The following ENTHD1 variants were observed in gnomAD, a reference collection of about 807,000 sequenced individuals.
The protein encoded by ENTHD1 is ENTH domain containing 1, also known as ENTH domain-containing protein 1.
ENTHD1 carries 23 observed loss-of-function variants against 39.1 expected under a neutral mutation model. That is an observed-to-expected ratio of 0.59 (90% confidence interval 0.42 to 0.83). The LOEUF is 0.83. Among genes scored for constraint, ENTHD1 ranks in the 40% least tolerant of loss-of-function variants. The pLI, the probability that ENTHD1 is intolerant of heterozygous loss-of-function variation, is 0.00. For missense variants in ENTHD1, 624 were observed against 705.4 expected (o/e 0.88, Z 1.31); for synonymous variants, 230 against 258.2 (o/e 0.89, Z 1.05).
At chr22:39,829,427 G>A (rs1281088175) in intron 4 of ENTHD1, among the ~76,000 whole-genome samples, 1 of 151,428 alleles carries the variant, frequency 6.6e-6, no homozygotes, top group African/African-American at 2.4e-5. Flanking sequence ...AAAGCACATA[G>A]GATTATTCAA....
intron 6 of ENTHD1, chr22:39,750,178 G>A (rs2065137608): frequency 4.8e-6 from 1 of 208,446 alleles, no homozygotes; most frequent in African/African-American, 2.3e-5. Context: ...GGAAAATAAA[G>A]ACTATGGATC....
intron 5 of ENTHD1, among the ~76,000 whole-genome samples, chr22:39,773,818 T>C (rs2065346324): frequency 6.6e-6 from 1 of 152,138 alleles, no homozygotes; most frequent in African/African-American, 2.4e-5. Context: ...TAGGCATTGC[T>C]TTAGGTTTAG....
rs763967798 is a variant in ENTHD1 at position 39,743,704 on chromosome 22, G to A, written c.1799C>T (p.Ser600Phe). ...ISQSSQVPQS[S>F]EGSSDQI ...TTAGATCTGATCTGAGCTCCCCTCA[G>A]AAGACTGGGGGACCTGGGAAGACTG... The change falls in exon 7 of 7, where the codon TCT becomes TTT. Residue 600 changes from serine to phenylalanine, a missense_variant. Ser to Phe is a radical substitution (Grantham distance 155). Coordinates refer to ENST00000325157, the MANE Select transcript of ENTHD1 (RefSeq NM_152512.4). 6 of 1,612,580 alleles carry A rather than the reference G, an allele frequency of 3.7e-6. No homozygotes were observed. In the South Asian group the frequency reaches 6.6e-5, roughly 18 times the overall value.
At chr22:39,778,292 T>C (rs1183346471) in intron 5 of ENTHD1, among the ~76,000 whole-genome samples, 1 of 152,170 alleles carries the variant, frequency 6.6e-6, no homozygotes, top group Non-Finnish European at 1.5e-5. Flanking sequence ...GTATTTATGA[T>C]CTGCAAGCAT....
At chr22:39,827,900 A>G (rs2146661927) in intron 4 of ENTHD1, among the ~76,000 whole-genome samples, 1 of 152,334 alleles carries the variant, frequency 6.6e-6, no homozygotes, top group East Asian at 1.9e-4. Context: ...AGTGATTACC[A>G]ATAGGAAATG....
At chr22:39,754,467 C>T (rs779036231) in intron 6 of ENTHD1, among the ~76,000 whole-genome samples, 3 of 152,194 alleles carry the variant, frequency 2.0e-5, no homozygotes, top group Non-Finnish European at 2.9e-5. Flanking sequence ...GTCCCTATAC[C>T]ACTCCACATC....
intron 5 of ENTHD1, among the ~76,000 whole-genome samples, chr22:39,766,701 C>T (rs780782705): frequency 2.0e-5 from 3 of 152,186 alleles, no homozygotes; most frequent in Non-Finnish European, 4.4e-5. Context: ...ATGCTATCCT[C>T]ATCACTTTTG....
chr22:39,806,630 C>T (rs2065642810), intron 5 of ENTHD1, among the ~76,000 whole-genome samples: 1 of 152,160 alleles, frequency 6.6e-6, no homozygotes, highest in Admixed American at 6.5e-5. Context: ...ATGAACAAGA[C>T]ACAGCCCTTG....
intron 4 of ENTHD1, among the ~76,000 whole-genome samples, chr22:39,824,505 G>A (rs886528331): frequency 4.6e-5 from 7 of 151,920 alleles, no homozygotes; most frequent in African/African-American, 1.7e-4. Flanking sequence ...CACCGCACCC[G>A]GCCCCAGTTC....
chr22:39,890,879 G>T (rs555757341), intron 1 of ENTHD1, among the ~76,000 whole-genome samples: 91 of 152,258 alleles, frequency 6.0e-4, no homozygotes, highest in African/African-American at 2.1e-3. Context: ...TTCTACTACT[G>T]CTGTCTTTTC....
chr22:39,823,188 T>C (rs1038119257), intron 4 of ENTHD1, among the ~76,000 whole-genome samples: 1 of 152,222 alleles, frequency 6.6e-6, no homozygotes, highest in African/African-American at 2.4e-5. Flanking sequence ...ATCCAAATTA[T>C]TTCATTTCAA....
intron 5 of ENTHD1, among the ~76,000 whole-genome samples, chr22:39,818,178 C>G (rs892675257): frequency 6.6e-6 from 1 of 152,162 alleles, no homozygotes; most frequent in Non-Finnish European, 1.5e-5. Flanking sequence ...CCCAAACTAG[C>G]CTACATGGAA....
intron 2 of ENTHD1, among the ~76,000 whole-genome samples, chr22:39,865,216 G>T (rs1320297734): frequency 1.3e-5 from 2 of 152,054 alleles, no homozygotes; most frequent in Non-Finnish European, 1.5e-5. Flanking sequence ...TTGCAATAGT[G>T]GAGGACTTCT....
intron 3 of ENTHD1, among the ~76,000 whole-genome samples, chr22:39,836,955 T>G (rs1425652901): frequency 6.7e-6 from 1 of 149,202 alleles, no homozygotes; most frequent in African/African-American, 2.6e-5. Context: ...ATTAAACCTC[T>G]TTTCTTTATC....
chr22:39,749,088 C>G (rs1029122676), intron 6 of ENTHD1, among the ~76,000 whole-genome samples: 2 of 152,182 alleles, frequency 1.3e-5, no homozygotes, highest in African/African-American at 4.8e-5. Context: ...CTACATGATG[C>G]TTTTGCTTAT....
rs77915572 is a variant in ENTHD1, at chr22:39,814,295, C to CAAAAAAAAAAAAAAAAA, written c.832+6697_832+6698insTTTTTTTTTTTTTTTTT. ...GCAACATGGCAAAACCCCATCTCTA[C>CAAAAAAAAAAAAAAAAA]AAAAAAAAAAAAAAAATAACCAGGT... On this transcript the variant is annotated intron_variant, in intron 5 of 6. Transcript: ENST00000325157. 7.4e-3 allele frequency among the ~76,000 whole-genome samples: 721 copies of CAAAAAAAAAAAAAAAAA among 97,402 alleles called. 10 individuals carry two copies. Among genetic ancestry groups the CAAAAAAAAAAAAAAAAA allele is most frequent in the African/African-American group, 0.012 (336 of 27,398 alleles). 63.9% of individuals were successfully genotyped at this position (97,402 alleles called of 152,430 possible). A position where few individuals can be genotyped will look rare whatever the true frequency, so the allele number is the denominator to read the frequency against.
chr22:39,773,117 C>CAAAAA (rs57398699), intron 5 of ENTHD1, among the ~76,000 whole-genome samples: 22 of 36,136 alleles, frequency 6.1e-4, no homozygotes, highest in African/African-American at 9.2e-4. Context: ...GACCTCATCT[C>CAAAAA]AAAAAAAAAA....
At chr22:39,841,615 T>A (rs1403156176) in intron 3 of ENTHD1, among the ~76,000 whole-genome samples, 6 of 151,016 alleles carry the variant, frequency 4.0e-5, no homozygotes, top group African/African-American at 1.2e-4. Context: ...CCTTTTATTT[T>A]GAGCCTATGT....
chr22:39,835,928 T>G lies in ENTHD1; in HGVS notation c.623A>C (p.Glu208Ala), dbSNP rs1432923277. Residue 208 changes from glutamate to alanine, a missense_variant, in exon 4 of 7, where the codon GAG becomes GCG. Transcript: ENST00000325157. ...RNVCKAGLKQEHCQDVHLPTE... is the reference protein window; with the variant it reads ...RNVCKAGLKQAHCQDVHLPTE... ...AGGCAAATGAACATCTTGGCAATGC[T>G]CTTGTTTCAATCCTGCCTTGCACAC... 2.5e-6 allele frequency: 4 copies of G among 1,608,980 alleles called. No homozygotes were observed. The highest frequency in any genetic ancestry group is 1.3e-5 in the African/African-American group (1 of 74,724).
Sources: gnomAD v4.1 joint callset for allele counts (sites outside exome capture counted in the v4.1 genomes callset) on GRCh38, gnomAD v4.1.1 for gene constraint, MANE v1.5 for transcripts, NCBI Gene and HGNC (gene_info 2026-07-23, HGNC 2026-07-21) for gene names.